EYS: variants seen among roughly 807,000 people sequenced by gnomAD.
EYS encodes EGF-like photoreceptor maintenance factor, also known as protein eyes shut homolog.
EYS carries 250 observed loss-of-function variants against 282.1 expected under a neutral mutation model. The ratio of observed to expected loss-of-function variants is 0.89; its 90% CI spans 0.80 to 0.98. The LOEUF (loss-of-function observed/expected upper bound fraction) is 0.98, where lower values mean the gene tolerates loss of function less well. EYS is among the 50% of genes least tolerant of loss of function. EYS has a pLI of 0.00. For missense variants in EYS, 4,016 were observed against 3,709.0 expected, an observed-to-expected ratio of 1.08 and a Z score of -2.15; for synonymous variants, 1,355 against 1,282.9, an observed-to-expected ratio of 1.06 and a Z score of -1.20.
chr6:65,681,975 G>A (rs1308315955), intron 1 of EYS, among the ~76,000 whole-genome samples: 1 of 151,874 alleles, frequency 6.6e-6, no homozygotes, highest in East Asian at 1.9e-4. Context: ...GCCTAATCAC[G>A]TTGACCCCTA....
At chr6:63,989,883 G>A (rs1334913123) in intron 34 of EYS, among the ~76,000 whole-genome samples, 2 of 151,260 alleles carry the variant, frequency 1.3e-5, no homozygotes, top group Non-Finnish European at 3.0e-5. Flanking sequence ...GCTCACACAA[G>A]GTTATTTCTT....
At chr6:65,620,127 T>C (rs1232899378) in intron 2 of EYS, among the ~76,000 whole-genome samples, 1 of 152,204 alleles carries the variant, frequency 6.6e-6, no homozygotes, top group Non-Finnish European at 1.5e-5. Context: ...TCAGAAGGAA[T>C]GGTACCAGCT....
At chr6:64,610,661 C>T (rs1031280229) in intron 24 of EYS, among the ~76,000 whole-genome samples, 2 of 151,990 alleles carry the variant, frequency 1.3e-5, no homozygotes, top group Non-Finnish European at 2.9e-5. Context: ...GCCTTGGCTC[C>T]CCAAAGTGCT....
chr6:65,060,564 C>G (rs1228887305), intron 12 of EYS, among the ~76,000 whole-genome samples: 1 of 151,870 alleles, frequency 6.6e-6, no homozygotes, highest in Non-Finnish European at 1.5e-5. Context: ...TGTTCACCCT[C>G]TTACCCAAGT....
chr6:64,467,552 C>T (rs1192247586), intron 26 of EYS, among the ~76,000 whole-genome samples: 1 of 152,066 alleles, frequency 6.6e-6, no homozygotes, highest in East Asian at 1.9e-4. Context: ...GTTCTGCCTG[C>T]TACAGCTGGC....
intron 28 of EYS, among the ~76,000 whole-genome samples, chr6:64,402,130 A>C (rs1225056258): frequency 6.6e-6 from 1 of 152,152 alleles, no homozygotes; most frequent in Non-Finnish European, 1.5e-5. Flanking sequence ...ACTTATAATT[A>C]AGACTTTATC....
intron 2 of EYS, among the ~76,000 whole-genome samples, chr6:65,581,395 A>G (rs1451451245): frequency 6.6e-6 from 1 of 151,040 alleles, no homozygotes; most frequent in African/African-American, 2.4e-5. Flanking sequence ...CTCTATTTCT[A>G]TACAATCAGA....
Position 64,558,861 on chromosome 6 carries a change from CT to C in EYS, c.5644+31361del, listed in dbSNP as rs1765314882. Among the ~76,000 whole-genome samples, 3 of 152,164 alleles carry C rather than the reference CT, an allele frequency of 2.0e-5. No individual in the cohort carries two copies. The South Asian group carries it at 6.2e-4, about 32-fold the overall frequency. The stretch of plus-strand genomic sequence containing the variant: ...TCAAGGACTCTTTTTTTAACATGGC[CT>C]TGTTGCTATTTCATCTTTTTTGAAA... On this transcript the variant is annotated intron_variant, in intron 26 of 42. Transcript: ENST00000503581.
rs75566833 is a variant in EYS, at chr6:65,680,600, A to C, written c.-448+26535T>G. Among the ~76,000 whole-genome samples, 455 of 152,144 alleles carry C rather than the reference A, an allele frequency of 3.0e-3. 3 individuals carry two copies. Among genetic ancestry groups the C allele is most frequent in the African/African-American group, 0.01 (435 of 41,540 alleles). On this transcript the variant is annotated intron_variant, in intron 1 of 42. Transcript: ENST00000503581. ...TAATATCTTGAAATTCCTTTATTAT[A>C]GACCTAAAAATGTAAATATGGTTTA...
At chr6:64,904,042 C>T (rs57614133) in intron 16 of EYS, among the ~76,000 whole-genome samples, 8,542 of 152,078 alleles carry the variant, frequency 0.056, 398 homozygotes, top group African/African-American at 0.13. Context: ...TTTTTAAAAA[C>T]GCCAATTTAA....
chr6:65,328,055 A>G (rs758082187), intron 11 of EYS, among the ~76,000 whole-genome samples: 1 of 151,498 alleles, frequency 6.6e-6, no homozygotes, highest in Non-Finnish European at 1.5e-5. Context: ...ATATTCATAT[A>G]TAGGTTTTAT....
At chr6:64,999,836 A>C (rs9363313) in intron 13 of EYS, among the ~76,000 whole-genome samples, 10,323 of 152,134 alleles carry the variant, frequency 0.068, 442 homozygotes, top group East Asian at 0.13. Flanking sequence ...GGAGCCCAGG[A>C]CGCCGAGCAC....
chr6:64,452,564 C>A (rs1344626460), intron 26 of EYS, among the ~76,000 whole-genome samples: 1 of 151,962 alleles, frequency 6.6e-6, no homozygotes, highest in Non-Finnish European at 1.5e-5. Context: ...AATCCTAAGC[C>A]AAAAGAACAA....
chr6:64,465,483 G>A (rs1167300376), intron 26 of EYS, among the ~76,000 whole-genome samples: 1 of 152,102 alleles, frequency 6.6e-6, no homozygotes, highest in Non-Finnish European at 1.5e-5. Flanking sequence ...ATGAATTTTG[G>A]CAAAGATGTC....
chr6:65,349,803 A>G (rs1193643762), intron 9 of EYS, among the ~76,000 whole-genome samples: 1 of 151,430 alleles, frequency 6.6e-6, no homozygotes, highest in African/African-American at 2.4e-5. Context: ...AACTATTAAG[A>G]ATAATAGTAG....
chr6:64,118,241 G>A (rs1372934708), intron 31 of EYS, among the ~76,000 whole-genome samples: 1 of 152,000 alleles, frequency 6.6e-6, no homozygotes, highest in Non-Finnish European at 1.5e-5. Flanking sequence ...GAGCAATTCT[G>A]TGCATAAAAC....
intron 1 of EYS, among the ~76,000 whole-genome samples, chr6:65,659,119 C>T (rs1164248730): frequency 1.3e-5 from 2 of 151,414 alleles, no homozygotes; most frequent in East Asian, 1.9e-4. Context: ...TATCAATATC[C>T]TGGAAGAACT....
chr6:65,660,673 C>T (rs1387807), intron 1 of EYS, among the ~76,000 whole-genome samples: 151,399 of 151,938 alleles, frequency 1, 75,433 homozygotes, highest in East Asian at 1. Context: ...TACCCTATTA[C>T]GTTTGAATAT....
At chr6:64,844,951 T>C (rs1294764076) in intron 19 of EYS, among the ~76,000 whole-genome samples, 1 of 152,146 alleles carries the variant, frequency 6.6e-6, no homozygotes, top group African/African-American at 2.4e-5. Flanking sequence ...CACAGACACA[T>C]ACCCTATGCA....
Sources: gnomAD v4.1 joint callset for allele counts (sites outside exome capture counted in the v4.1 genomes callset) on GRCh38, gnomAD v4.1.1 for gene constraint, MANE v1.5 for transcripts, NCBI Gene and HGNC (gene_info 2026-07-23, HGNC 2026-07-21) for gene names.